Variants in GAB1 observed in about 807,000 individuals in gnomAD.
GAB1 encodes the protein GRB2 associated binding protein 1.
In GAB1, 19 loss-of-function variants were observed where a neutral mutation model predicts 66.5. The observed-to-expected ratio is 0.29, with a 90% CI of 0.20 to 0.42. The LOEUF is 0.42. Ranked by LOEUF, GAB1 falls within the 10% of genes least tolerant of loss-of-function variation. The probability of loss-of-function intolerance (pLI) is 1.00; values close to 1 mark genes in which losing one functional copy is unlikely to be tolerated. For synonymous variants in GAB1, 294 were observed against 301.4 expected (o/e 0.98, Z 0.25); for missense variants, 732 against 858.5 (o/e 0.85, Z 1.84).
chr4:143,350,344 G>T (rs1729150925), intron 1 of GAB1, among the ~76,000 whole-genome samples: 1 of 152,076 alleles, frequency 6.6e-6, no homozygotes, highest in Non-Finnish European at 1.5e-5. Context: ...TTGTCATGTG[G>T]CACTGTTATC....
chr4:143,403,652 A>G (rs1292565726), intron 1 of GAB1, among the ~76,000 whole-genome samples: 1 of 152,154 alleles, frequency 6.6e-6, no homozygotes, highest in Non-Finnish European at 1.5e-5. Flanking sequence ...CATTATTGGC[A>G]CTTGGGCTGA....
intron 1 of GAB1, among the ~76,000 whole-genome samples, chr4:143,393,894 A>G (rs1000313872): frequency 1.3e-5 from 2 of 152,210 alleles, no homozygotes; most frequent in African/African-American, 2.4e-5. Context: ...ATCCTTTTAC[A>G]TACTTAGGAC....
chr4:143,396,996 G>A (rs1560740600), intron 1 of GAB1, among the ~76,000 whole-genome samples: 1 of 152,168 alleles, frequency 6.6e-6, no homozygotes, highest in South Asian at 2.1e-4. Flanking sequence ...TAACCAGCAG[G>A]GAAGGTAGGT....
chr4:143,455,186 A>G (rs1735118811), intron 6 of GAB1, among the ~76,000 whole-genome samples: 2 of 152,184 alleles, frequency 1.3e-5, no homozygotes, highest in South Asian at 4.1e-4. Flanking sequence ...GCAGATGCTT[A>G]AAGGGGATGG....
chr4:143,339,499 A>ATTATAACTTTTCCT (rs1728759716), intron 1 of GAB1, among the ~76,000 whole-genome samples: 1 of 152,240 alleles, frequency 6.6e-6, no homozygotes, highest in Admixed American at 6.5e-5. Flanking sequence ...TGACAGGGTG[A>ATTATAACTTTTCCT]GACTCCGTCT....
intron 1 of GAB1, among the ~76,000 whole-genome samples, chr4:143,366,330 ATAAT>A (rs1210615000): frequency 2.0e-5 from 3 of 152,254 alleles, no homozygotes; most frequent in African/African-American, 7.2e-5. Context: ...TAGCTTTTAA[ATAAT>A]TCTAAATTTG....
intron 1 of GAB1, among the ~76,000 whole-genome samples, chr4:143,361,016 A>G (rs1337825502): frequency 6.6e-6 from 1 of 152,250 alleles, no homozygotes; most frequent in Non-Finnish European, 1.5e-5. Flanking sequence ...CTATCAGGCT[A>G]ACATAAAGTG....
At position 143,473,112 on chromosome 4, in the gene GAB1, T is replaced by C. The variant is rs1378376288; in HGVS notation, c.*3923T>C. On this transcript the variant is annotated 3_prime_UTR_variant, in exon 10 of 10. Coordinates refer to ENST00000262994, the MANE Select transcript of GAB1 (RefSeq NM_002039.4). Reference sequence around the variant, plus strand: ...TTCAGCAAACTGATTGGTCAAGGTATTAACATAGCTTCTACTTCCTTTACT... The same window carrying C: ...TTCAGCAAACTGATTGGTCAAGGTACTAACATAGCTTCTACTTCCTTTACT... The C allele has an allele frequency of 6.6e-6, 1 of 152,204 alleles. No individual in the cohort carries two copies. Among genetic ancestry groups the C allele is most frequent in the Non-Finnish European group, 1.5e-5 (1 of 68,030 alleles). 9.4% of individuals were successfully genotyped at this position (152,204 alleles called of 1,614,324 possible).
intron 2 of GAB1, among the ~76,000 whole-genome samples, chr4:143,432,751 T>A (rs1186378380): frequency 1.3e-5 from 2 of 152,228 alleles, no homozygotes; most frequent in African/African-American, 4.8e-5. Context: ...ATTCTAGAAT[T>A]TCACATGGTT....
chr4:143,415,025 C>T lies in GAB1; in HGVS notation c.73-452C>T, dbSNP rs553698932. ...TGACAAATACCATTCTGCTTTCTGTCTGTATGAATTTGACTACTTGAACTA... is the reference window on the plus strand; with the variant it reads ...TGACAAATACCATTCTGCTTTCTGTTTGTATGAATTTGACTACTTGAACTA... On this transcript the variant is annotated intron_variant, in intron 1 of 9. Coordinates refer to ENST00000262994, the MANE Select transcript of GAB1 (RefSeq NM_002039.4). Among the ~76,000 whole-genome samples the T allele has an allele frequency of 2.0e-5, 3 of 152,232 alleles. No individual in the cohort carries two copies. The South Asian group carries it at 6.2e-4, about 32-fold the overall frequency.
At chr4:143,450,404 C>T (rs1314321991) in intron 6 of GAB1, among the ~76,000 whole-genome samples, 1 of 152,012 alleles carries the variant, frequency 6.6e-6, no homozygotes, top group Non-Finnish European at 1.5e-5. Flanking sequence ...CTTTGTAAAG[C>T]CTGTAATAAT....
At position 143,445,965 on chromosome 4, in the gene GAB1, C is replaced by T. The variant is rs148317534; in HGVS notation, c.1585+5583C>T. ...ACCTTCCCCCCACCCCACAACAGTCCCCAGAGTGTGATGTTCCCCTTCCTG... is the reference window on the plus strand; with the variant it reads ...ACCTTCCCCCCACCCCACAACAGTCTCCAGAGTGTGATGTTCCCCTTCCTG... On this transcript the variant is annotated intron_variant, in intron 6 of 9. Coordinates refer to ENST00000262994, the MANE Select transcript of GAB1 (RefSeq NM_002039.4). 6.8e-3 allele frequency among the ~76,000 whole-genome samples: 1,028 copies of T among 152,134 alleles called. 6 individuals carry two copies. Among genetic ancestry groups the T allele is most frequent in the Non-Finnish European group, 9.9e-3 (673 of 68,020 alleles).
chr4:143,344,484 G>A (rs1481265765), intron 1 of GAB1, among the ~76,000 whole-genome samples: 1 of 152,174 alleles, frequency 6.6e-6, no homozygotes, highest in African/African-American at 2.4e-5. Context: ...AACTTATCAA[G>A]TCACAGTTCT....
intron 1 of GAB1, among the ~76,000 whole-genome samples, chr4:143,394,250 CCTGGGGGA>C (rs200646431): frequency 0.02 from 3,062 of 152,040 alleles, 90 homozygotes; most frequent in African/African-American, 0.07. Context: ...CTCCATCCAG[CCTGGGGGA>C]CAGAGTGAGA....
At chr4:143,359,476 C>CTCATATATA (rs1382553625) in intron 1 of GAB1, among the ~76,000 whole-genome samples, 5 of 152,148 alleles carry the variant, frequency 3.3e-5, no homozygotes, top group African/African-American at 1.2e-4. Context: ...AGAACATTTC[C>CTCATATATA]ATGTGCTTTG....
intron 6 of GAB1, among the ~76,000 whole-genome samples, chr4:143,443,268 G>A (rs1460510714): frequency 2.6e-5 from 4 of 152,034 alleles, no homozygotes; most frequent in African/African-American, 4.8e-5. Flanking sequence ...TACCTGCCTC[G>A]GCCTTCCAAA....
chr4:143,421,810 T>C (rs920398692), intron 2 of GAB1, among the ~76,000 whole-genome samples: 6 of 151,778 alleles, frequency 4.0e-5, no homozygotes, highest in Non-Finnish European at 8.8e-5. Flanking sequence ...CACAAGTGAT[T>C]CTTAGGCCTT....
At chr4:143,423,269 T>G (rs1273752717) in intron 2 of GAB1, among the ~76,000 whole-genome samples, 1 of 152,178 alleles carries the variant, frequency 6.6e-6, no homozygotes, top group Admixed American at 6.5e-5. Context: ...AGTTCCCTCT[T>G]CCCTTTTAAA....
intron 1 of GAB1, among the ~76,000 whole-genome samples, chr4:143,358,826 G>T (rs903321310): frequency 6.6e-6 from 1 of 152,138 alleles, no homozygotes; most frequent in Non-Finnish European, 1.5e-5. Context: ...CTTACTAATT[G>T]GTATTTGTGG....
Sources: allele counts gnomAD v4.1 joint callset (sites outside exome capture counted in the v4.1 genomes callset), GRCh38; gene constraint gnomAD v4.1.1; transcripts MANE v1.5; gene names NCBI Gene and HGNC (gene_info 2026-07-23, HGNC 2026-07-21).